PPM1B: variants seen among roughly 807,000 people sequenced by gnomAD.
PPM1B encodes the protein protein phosphatase 1B.
Under a neutral mutation model 43.0 loss-of-function variants are expected in PPM1B, and 22 were observed. The observed-to-expected ratio is 0.51, with a 90% confidence interval of 0.37 to 0.73. The LOEUF is 0.73. Ranked by LOEUF, PPM1B falls within the 30% of genes least tolerant of loss-of-function variation. The probability of loss-of-function intolerance (pLI) is 0.00; values close to 1 mark genes in which losing one functional copy is unlikely to be tolerated. For missense variants in PPM1B, 632 were observed against 584.2 expected, an observed-to-expected ratio of 1.08 and a Z score of -0.84; for synonymous variants, 217 against 197.9, an observed-to-expected ratio of 1.10 and a Z score of -0.81.
chr2:44,242,126 G>C (rs2104296096), intron 5 of PPM1B, among the ~76,000 whole-genome samples: 1 of 152,104 alleles, frequency 6.6e-6, no homozygotes, highest in East Asian at 1.9e-4. Context: ...CCAAAGTGCT[G>C]GGATTACAGG....
chr2:44,241,006 A>AT (rs113990864), intron 5 of PPM1B, among the ~76,000 whole-genome samples: 4,933 of 133,716 alleles, frequency 0.037, 587 homozygotes, highest in Non-Finnish European at 0.057. Flanking sequence ...CTTTATTTTT[A>AT]TTTTTTTTTT....
At chr2:44,221,953 C>T (rs1179719524) in intron 5 of PPM1B, among the ~76,000 whole-genome samples, 3 of 151,942 alleles carry the variant, frequency 2.0e-5, no homozygotes, top group Non-Finnish European at 1.5e-5. Context: ...CATCTTCTTA[C>T]CACAAACAAT....
chr2:44,238,450 C>G (rs1670676673), downstream of PPM1B, among the ~76,000 whole-genome samples: 2 of 151,954 alleles, frequency 1.3e-5, no homozygotes, highest in South Asian at 4.2e-4. Context: ...GCCTGTAATC[C>G]CAGCAGTTTG....
At chr2:44,205,361 G>T (rs1309221890) in intron 2 of PPM1B, among the ~76,000 whole-genome samples, 1 of 151,022 alleles carries the variant, frequency 6.6e-6, no homozygotes, top group African/African-American at 2.4e-5. Flanking sequence ...GTGGGTGTGT[G>T]TGTGTGTGTG....
chr2:44,225,697 C>A (rs992941834), intron 5 of PPM1B, among the ~76,000 whole-genome samples: 8 of 152,240 alleles, frequency 5.3e-5, no homozygotes, highest in Middle Eastern at 6.8e-3. Flanking sequence ...CACCCTGTCA[C>A]CGAGGCTGTA....
downstream of PPM1B, among the ~76,000 whole-genome samples, chr2:44,236,892 C>G (rs1030796658): frequency 3.3e-5 from 5 of 152,152 alleles, no homozygotes; most frequent in Admixed American, 6.5e-5. Context: ...GATAAGATTT[C>G]TTGTGGAACA....
intron 2 of PPM1B, among the ~76,000 whole-genome samples, chr2:44,208,670 G>T (rs369954513): frequency 2.6e-4 from 40 of 152,248 alleles, no homozygotes; most frequent in East Asian, 9.7e-4. Flanking sequence ...CCAAGATTGC[G>T]CCATTGTGCT....
At chr2:44,217,925 C>A in intron 3 of PPM1B, 42 bp from the exon 4 acceptor site, 1 of 1,329,736 alleles carries the variant, frequency 7.5e-7, no homozygotes, top group Non-Finnish European at 1.0e-6. Flanking sequence ...TGAGTACTGG[C>A]TTATCACATT....
At chr2:44,231,590 A>G (rs1670471537), downstream of PPM1B, 1 of 444,898 alleles carries the variant, frequency 2.2e-6, no homozygotes, top group African/African-American at 2.1e-5. Flanking sequence ...CTTTTGGCTT[A>G]CCTTTTTTCA....
At chr2:44,229,975 T>C (rs1670397283) in intron 5 of PPM1B, 1 of 1,559,050 alleles carries the variant, frequency 6.4e-7, no homozygotes, top group African/African-American at 1.4e-5. Flanking sequence ...TTATGTTTTG[T>C]ATTTCCTACT....
At chr2:44,235,535 G>A (rs780556643), downstream of PPM1B, among the ~76,000 whole-genome samples, 22 of 151,014 alleles carry the variant, frequency 1.5e-4, no homozygotes, top group Non-Finnish European at 2.8e-4. Context: ...CCCAGGTGAC[G>A]GAGGTTGCAG....
In PPM1B at chr2:44,205,156, T is replaced by A. The variant is rs187817473; in HGVS notation, c.846+3111T>A. Among the ~76,000 whole-genome samples, 289 of 152,094 alleles carry A rather than the reference T, an allele frequency of 1.9e-3. 2 individuals are homozygous for A. Among genetic ancestry groups the A allele is most frequent in the Middle Eastern group, 0.014 (4 of 290 alleles). ...TAATCCTCATAGTAACTTTCTGAGG[T>A]GAACAAAATAAAAAGTTTTTTTAAT... On this transcript the variant is annotated intron_variant, in intron 2 of 5. Coordinates refer to ENST00000282412, the MANE Select transcript of PPM1B (RefSeq NM_002706.6).
At chr2:44,206,199 ATTTCT>A (rs1159778835) in intron 2 of PPM1B, among the ~76,000 whole-genome samples, 2 of 152,158 alleles carry the variant, frequency 1.3e-5, no homozygotes, top group Non-Finnish European at 2.9e-5. Context: ...TGCAGAGCTA[ATTTCT>A]TTAGTTATCC....
rs143358669 is a variant in PPM1B, at chr2:44,230,585, C to T, written c.1307C>T (p.Ala436Val). ...AGCCCTGCTGAACCAGCTGCCACAG[C>T]TACTTCTTCGAACAGTGATGCTGGA... is the stretch of plus-strand genomic sequence containing the variant. ...EESPAEPAATATSSNSDAGNP... is the reference protein window; with the variant it reads ...EESPAEPAATVTSSNSDAGNP... The change falls in exon 6 of 6, where the codon GCT (alanine) becomes GTT (valine). Residue 436 changes from alanine to valine, a missense_variant. By Grantham distance (64) the Ala-to-Val change is moderately conservative. Transcript: ENST00000282412. 1 of 1,614,140 alleles carries T rather than the reference C, an allele frequency of 6.2e-7. No homozygotes were observed. Among genetic ancestry groups the T allele is most frequent in the Non-Finnish European group, 8.5e-7 (1 of 1,180,020 alleles).
chr2:44,219,520 A>G (rs1227721228), intron 5 of PPM1B, among the ~76,000 whole-genome samples: 1 of 152,188 alleles, frequency 6.6e-6, no homozygotes, highest in Non-Finnish European at 1.5e-5. Flanking sequence ...AAAAAGGAAA[A>G]TTTAATAATT....
At chr2:44,203,100 C>T (rs1321574223) in intron 2 of PPM1B, among the ~76,000 whole-genome samples, 3 of 152,144 alleles carry the variant, frequency 2.0e-5, no homozygotes, top group Admixed American at 2.0e-4. Context: ...GAAAGGATCT[C>T]TGGGTCTCTG....
downstream of PPM1B, chr2:44,232,787 G>T: frequency 1.0e-6 from 1 of 985,362 alleles, no homozygotes; most frequent in Non-Finnish European, 1.2e-6. Context: ...CAAGTTGGAA[G>T]CCTTTTGCAG....
At chr2:44,229,785 G>C (rs1422128506) in intron 5 of PPM1B, among the ~76,000 whole-genome samples, 1 of 152,098 alleles carries the variant, frequency 6.6e-6, no homozygotes, top group Non-Finnish European at 1.5e-5. Flanking sequence ...GTAGAAACCT[G>C]TAGATTTTCC....
intron 1 of PPM1B, among the ~76,000 whole-genome samples, chr2:44,198,870 G>A (rs1668786191): frequency 6.6e-6 from 1 of 152,146 alleles, no homozygotes; most frequent in Non-Finnish European, 1.5e-5. Flanking sequence ...AGGGAATAAA[G>A]GGAGAATGAA....
Sources: allele counts gnomAD v4.1 joint callset (sites outside exome capture counted in the v4.1 genomes callset), GRCh38; gene constraint gnomAD v4.1.1; transcripts MANE v1.5; gene names NCBI Gene and HGNC (gene_info 2026-07-23, HGNC 2026-07-21).